The following VWA8 variants were observed in gnomAD, a reference collection of about 807,000 sequenced individuals.
The protein encoded by VWA8 is von Willebrand factor A domain-containing protein 8.
In VWA8, 221 loss-of-function variants were observed where a neutral mutation model predicts 241.5. That is an observed-to-expected ratio of 0.91 (90% CI 0.82 to 1.02). The LOEUF is 1.02. VWA8 is among the 50% of genes least tolerant of loss of function. VWA8 has a pLI of 0.00. For synonymous variants in VWA8, 852 were observed against 827.1 expected (o/e 1.03, Z -0.52); for missense variants, 2,322 against 2,328.7 (o/e 1.00, Z 0.06).
intron 2 of VWA8, among the ~76,000 whole-genome samples, chr13:41,944,335 C>T (rs997625188): frequency 3.9e-5 from 6 of 152,084 alleles, no homozygotes; most frequent in African/African-American, 1.4e-4. Context: ...CTAACCCCAT[C>T]CCCATGTCCC....
chr13:41,664,756 T>C (rs1280490338), intron 37 of VWA8, among the ~76,000 whole-genome samples: 5 of 152,106 alleles, frequency 3.3e-5, no homozygotes, highest in African/African-American at 9.7e-5. Flanking sequence ...AAGCTTAAAA[T>C]AGGAGGAGGA....
At chr13:41,803,291 AC>A (rs1242602575) in intron 17 of VWA8, among the ~76,000 whole-genome samples, 1 of 152,228 alleles carries the variant, frequency 6.6e-6, no homozygotes, top group Non-Finnish European at 1.5e-5. Flanking sequence ...AGGCATCAAG[AC>A]CATCCAGGAA....
intron 35 of VWA8, among the ~76,000 whole-genome samples, chr13:41,679,607 T>C (rs1358415526): frequency 6.6e-6 from 1 of 151,990 alleles, no homozygotes; most frequent in Non-Finnish European, 1.5e-5. Context: ...AAGCAATAAA[T>C]TTCTCCCCAT....
chr13:41,573,484 A>ATATATATAT (rs796873882), intron 43 of VWA8, among the ~76,000 whole-genome samples: 4 of 117,016 alleles, frequency 3.4e-5, no homozygotes, highest in South Asian at 2.9e-4. Flanking sequence ...TAAAAAAAAA[A>ATATATATAT]AAATATATAT....
At chr13:41,901,003 C>T (rs1387245928) in intron 4 of VWA8, among the ~76,000 whole-genome samples, 1 of 151,854 alleles carries the variant, frequency 6.6e-6, no homozygotes, top group Non-Finnish European at 1.5e-5. Flanking sequence ...GACTGTGTTG[C>T]AGATTAAATC....
chr13:41,673,773 G>A (rs1465428657), intron 36 of VWA8, among the ~76,000 whole-genome samples: 1 of 152,088 alleles, frequency 6.6e-6, no homozygotes, highest in Non-Finnish European at 1.5e-5. Flanking sequence ...CCATTGGACA[G>A]TGCAGCCCTA....
At chr13:41,841,820 A>ATATAT (rs1303621935) in intron 12 of VWA8, among the ~76,000 whole-genome samples, 5 of 22,222 alleles carry the variant, frequency 2.3e-4, no homozygotes, top group African/African-American at 8.6e-4. Flanking sequence ...AAAAAAAAAA[A>ATATAT]ATATATATAT....
chr13:41,729,607 C>T lies in VWA8; in HGVS notation c.2573G>A (p.Cys858Tyr), dbSNP rs748023848. 3 of 1,613,148 alleles carry T rather than the reference C, an allele frequency of 1.9e-6. No homozygotes were observed. Among genetic ancestry groups the T allele is most frequent in the African/African-American group, 1.3e-5 (1 of 74,822 alleles). ...EADKAPTNVT[C>Y]ILKTLVENGE... ...ATTTTCTACTAGAGTTTTTAAAATACACGTGACATTTGTTGGAGCTTTGTC... is the reference window on the plus strand; with the variant it reads ...ATTTTCTACTAGAGTTTTTAAAATATACGTGACATTTGTTGGAGCTTTGTC... The change falls in exon 23 of 45, where the codon TGT (cysteine) becomes TAT (tyrosine). Residue 858 changes from cysteine to tyrosine, a missense_variant. By Grantham distance (194) the Cys-to-Tyr change is radical. Coordinates refer to ENST00000379310, the MANE Select transcript of VWA8 (RefSeq NM_015058.2).
intron 12 of VWA8, among the ~76,000 whole-genome samples, chr13:41,836,866 A>G (rs1476063672): frequency 1.3e-5 from 2 of 152,220 alleles, no homozygotes; most frequent in Non-Finnish European, 2.9e-5. Context: ...CCAAAGCTAT[A>G]GACCAGAAAT....
chr13:41,711,577 T>G (rs2137837862), intron 26 of VWA8, among the ~76,000 whole-genome samples: 1 of 152,264 alleles, frequency 6.6e-6, no homozygotes, highest in East Asian at 1.9e-4. Context: ...AAAGGATTTT[T>G]ATAAAAGAAA....
chr13:41,798,884 C>T (rs899253094), intron 17 of VWA8, among the ~76,000 whole-genome samples: 1 of 152,148 alleles, frequency 6.6e-6, no homozygotes, highest in Non-Finnish European at 1.5e-5. Flanking sequence ...ACTTCATTCT[C>T]TTTTCAATAG....
chr13:41,775,568 C>A (rs1335989272), intron 20 of VWA8, among the ~76,000 whole-genome samples: 1 of 152,176 alleles, frequency 6.6e-6, no homozygotes, highest in Non-Finnish European at 1.5e-5. Context: ...CAGTCCTAGA[C>A]AGGCTTGAAA....
At chr13:41,675,428 C>A in intron 35 of VWA8, 132 bp from the exon 36 acceptor site, 1 of 572,342 alleles carries the variant, frequency 1.7e-6, no homozygotes, top group Non-Finnish European at 3.0e-6. Flanking sequence ...ACTGGGTCAA[C>A]CCTCATGGCT....
intron 2 of VWA8, among the ~76,000 whole-genome samples, chr13:41,913,363 T>C (rs554089525): frequency 6.6e-6 from 1 of 152,306 alleles, no homozygotes; most frequent in African/African-American, 2.4e-5. Context: ...GTTTTTACAT[T>C]AGATGTGGGT....
At chr13:41,735,488 A>T (rs1328819547) in intron 21 of VWA8, among the ~76,000 whole-genome samples, 1 of 152,188 alleles carries the variant, frequency 6.6e-6, no homozygotes, top group Admixed American at 6.5e-5. Context: ...TCCAAAGGAG[A>T]CTAAAATGAG....
At position 41,587,674 on chromosome 13, in the gene VWA8, A is replaced by G. The variant is rs764853927; in HGVS notation, c.5113-4T>C. On this transcript the variant is annotated splice_polypyrimidine_tract_variant and splice_region_variant and intron_variant, in intron 41 of 44. Transcript: ENST00000379310. Reference sequence around the variant, plus strand: ...GTTTCTGTTGTGGGCTGCCAAGCTGAGGGAAGGAATAACAGAAAAGCCGTT... The same window carrying G: ...GTTTCTGTTGTGGGCTGCCAAGCTGGGGGAAGGAATAACAGAAAAGCCGTT... 7.4e-6 allele frequency: 12 copies of G among 1,613,956 alleles called. No homozygotes were observed. The highest frequency in any genetic ancestry group is 9.3e-6 in the Non-Finnish European group (11 of 1,179,886).
At chr13:41,585,898 A>G (rs560937196) in intron 42 of VWA8, among the ~76,000 whole-genome samples, 1 of 151,586 alleles carries the variant, frequency 6.6e-6, no homozygotes, top group South Asian at 2.1e-4. Context: ...AAAAGAAAAA[A>G]AAAACCTCCA....
chr13:41,599,644 T>C (rs943130091), intron 40 of VWA8, among the ~76,000 whole-genome samples: 1 of 152,152 alleles, frequency 6.6e-6, no homozygotes, highest in Non-Finnish European at 1.5e-5. Context: ...AGAATTCTTC[T>C]TGAGAGGTTT....
rs117167026 is a variant in VWA8 at position 41,814,377 on chromosome 13, G to T, written c.1947+2321C>A. ...TAAGGGGGCTGAGAGAGACTTAAGA[G>T]AAGAGAGAAACTAAGGGACAACTGG... On this transcript the variant is annotated intron_variant, in intron 16 of 44. Coordinates refer to ENST00000379310, the MANE Select transcript of VWA8 (RefSeq NM_015058.2). Among the ~76,000 whole-genome samples, 635 of 152,318 alleles carry T rather than the reference G, an allele frequency of 4.2e-3. 2 individuals are homozygous for T. The highest frequency in any genetic ancestry group is 0.017 in the Middle Eastern group (5 of 294).
Sources: gnomAD v4.1 joint callset for allele counts (sites outside exome capture counted in the v4.1 genomes callset) on GRCh38, gnomAD v4.1.1 for gene constraint, MANE v1.5 for transcripts, NCBI Gene and HGNC (gene_info 2026-07-23, HGNC 2026-07-21) for gene names.